The following RANBP3 variants were observed in gnomAD, a reference collection of about 807,000 sequenced individuals.
RANBP3 encodes RAN binding protein 3, also known as ran-binding protein 3.
RANBP3 carries 14 observed loss-of-function variants against 77.3 expected under a neutral mutation model. The observed-to-expected ratio is 0.18, with a 90% CI of 0.12 to 0.28. The LOEUF (loss-of-function observed/expected upper bound fraction) is 0.28, where lower values mean the gene tolerates loss of function less well. RANBP3 is among the 10% of genes least tolerant of loss of function. The probability of loss-of-function intolerance (pLI) is 1.00; values close to 1 mark genes in which losing one functional copy is unlikely to be tolerated. For missense variants in RANBP3, 586 were observed against 752.3 expected (o/e 0.78, Z 2.59); for synonymous variants, 315 against 312.4 (o/e 1.01, Z -0.09).
At chr19:5,963,785 T>G (rs978526055) in intron 1 of RANBP3, among the ~76,000 whole-genome samples, 1 of 152,162 alleles carries the variant, frequency 6.6e-6, no homozygotes, top group Non-Finnish European at 1.5e-5. Flanking sequence ...ATACTTCTTC[T>G]CTGGCCTCAC....
At chr19:5,935,129 C>T (rs1280067460) in intron 5 of RANBP3, among the ~76,000 whole-genome samples, 1 of 152,214 alleles carries the variant, frequency 6.6e-6, no homozygotes, top group Non-Finnish European at 1.5e-5. Flanking sequence ...CCCAAAACAC[C>T]TTGTCAGCCC....
chr19:5,941,438 G>A (rs772490180), intron 5 of RANBP3, among the ~76,000 whole-genome samples, 183 bp downstream of exon 5: 2 of 152,136 alleles, frequency 1.3e-5, no homozygotes, highest in Non-Finnish European at 2.9e-5. Context: ...GATTCGAGAC[G>A]AGGACCCCTG....
chr19:5,967,451 G>C (rs1599797099), intron 1 of RANBP3, among the ~76,000 whole-genome samples: 1 of 152,288 alleles, frequency 6.6e-6, no homozygotes, highest in Middle Eastern at 3.4e-3. Flanking sequence ...ACAGGCATTT[G>C]TTAAAAGGCC....
chr19:5,937,182 ACAGT>A (rs2058078456), intron 5 of RANBP3, among the ~76,000 whole-genome samples: 1 of 151,690 alleles, frequency 6.6e-6, no homozygotes, highest in South Asian at 2.1e-4. Flanking sequence ...TGAGGTACAC[ACAGT>A]CCCAGAGTCT....
intron 5 of RANBP3, among the ~76,000 whole-genome samples, chr19:5,941,326 A>C (rs1000581718): frequency 1.3e-5 from 2 of 151,988 alleles, no homozygotes; most frequent in African/African-American, 4.9e-5. Context: ...CAGAGGCCCC[A>C]ACAGGGCTCT....
rs534823007 is a variant in RANBP3 at position 5,958,875 on chromosome 19, C to T, written c.23-902G>A. On this transcript the variant is annotated intron_variant, in intron 1 of 16. Coordinates refer to ENST00000340578, the MANE Select transcript of RANBP3 (RefSeq NM_007322.3). The surrounding 1 kb of genome is among the most constrained non-coding windows in gnomAD (Gnocchi z 4.4). Reference sequence around the variant, plus strand: ...GGAGGCCAAGCAAGAGCAGCTGTGACTCTGGTGAATGCCTGCTGTGGGCTG... The same window carrying T: ...GGAGGCCAAGCAAGAGCAGCTGTGATTCTGGTGAATGCCTGCTGTGGGCTG... Among the ~76,000 whole-genome samples, 8 of 152,390 alleles carry T rather than the reference C, an allele frequency of 5.2e-5. No individual in the cohort carries two copies. Among genetic ancestry groups the T allele is most frequent in the South Asian group, 2.1e-4 (1 of 4,832 alleles).
intron 1 of RANBP3, among the ~76,000 whole-genome samples, chr19:5,963,517 C>T (rs2058428940): frequency 6.6e-6 from 1 of 152,236 alleles, no homozygotes; most frequent in Admixed American, 6.5e-5. Context: ...TGCCACTGCA[C>T]TCCAGGCTGG....
intron 1 of RANBP3, among the ~76,000 whole-genome samples, chr19:5,963,592 T>A (rs1005957621): frequency 1.3e-5 from 2 of 152,206 alleles, no homozygotes; most frequent in Non-Finnish European, 2.9e-5. Flanking sequence ...GACCAGACGC[T>A]TCTCAAAGTT....
At position 5,958,602 on chromosome 19, in the gene RANBP3, A is replaced by G. The variant is rs528664606; in HGVS notation, c.23-629T>C. On this transcript the variant is annotated intron_variant, in intron 1 of 16. Coordinates refer to ENST00000340578, the MANE Select transcript of RANBP3 (RefSeq NM_007322.3). The surrounding 1 kb of genome is among the most constrained non-coding windows in gnomAD (Gnocchi z 4.4). Reference sequence around the variant, plus strand: ...AAGAGCAAGGCGGCCTGTAATGCCCACGCAACACCATCTGTCTCCTACCCA... The same window carrying G: ...AAGAGCAAGGCGGCCTGTAATGCCCGCGCAACACCATCTGTCTCCTACCCA... 4.5e-4 allele frequency among the ~76,000 whole-genome samples: 69 copies of G among 152,356 alleles called. No homozygotes were observed. The highest frequency in any genetic ancestry group is 1.6e-3 in the African/African-American group (66 of 41,584).
rs763742728 is a variant in RANBP3, at chr19:5,978,119, G to A, written c.-37C>T. 17 of 1,599,454 alleles carry A rather than the reference G, an allele frequency of 1.1e-5. No individual in the cohort carries two copies. The highest frequency in any genetic ancestry group is 5.1e-5 in the Admixed American group (3 of 58,340). On this transcript the variant is annotated 5_prime_UTR_variant, in exon 1 of 17. Coordinates refer to ENST00000340578, the MANE Select transcript of RANBP3 (RefSeq NM_007322.3). ...AAGCCCTCCCACAAGGCCCCGCGCC[G>A]GCCCAGGCTCGCCTGCTTTCTGCCA...
Position 5,970,492 on chromosome 19 carries a change from G to A in RANBP3, c.22+7569C>T, listed in dbSNP as rs557119620. 3.3e-5 allele frequency among the ~76,000 whole-genome samples: 5 copies of A among 152,124 alleles called. No homozygotes were observed. In the South Asian group the frequency reaches 6.2e-4, roughly 19 times the overall value. ...AGTGGGGGCAATTCTGACATTAAGG[G>A]GACACTGGACAGTGTCTGGAGACCT... On this transcript the variant is annotated intron_variant, in intron 1 of 16. Coordinates refer to ENST00000340578, the MANE Select transcript of RANBP3 (RefSeq NM_007322.3).
In RANBP3 at chr19:5,917,638, C is replaced by G. The variant is rs1272944271; in HGVS notation, c.1676G>C (p.Gly559Ala). The G allele has an allele frequency of 6.2e-7, 1 of 1,606,722 alleles. No individual in the cohort carries two copies. Among genetic ancestry groups the G allele is most frequent in the Non-Finnish European group, 8.5e-7 (1 of 1,178,950 alleles). The change falls in exon 17 of 17, where the codon GGG becomes GCG. Residue 559 changes from glycine to alanine, a missense_variant. Physicochemically the swap from Gly to Ala is moderately conservative, Grantham distance 60 (BLOSUM62 0). Coordinates refer to ENST00000340578, the MANE Select transcript of RANBP3 (RefSeq NM_007322.3). ...GATAAGAGDE[G>A]DGQTTGST ...TGTGCTCCCGGTCGTCTGCCCGTCCCCTTCGTCACCAGCACCTGCAGGGAA... is the reference window on the plus strand; with the variant it reads ...TGTGCTCCCGGTCGTCTGCCCGTCCGCTTCGTCACCAGCACCTGCAGGGAA...
rs2058025982 is a variant in RANBP3, at chr19:5,933,653, G to A, written c.407-174C>T. 3 of 548,440 alleles carry A rather than the reference G, an allele frequency of 5.5e-6. No individual in the cohort carries two copies. In the South Asian group the frequency reaches 6.8e-5, roughly 12 times the overall value. 34.0% of individuals were successfully genotyped at this position (548,440 alleles called of 1,614,324 possible). ...CTCGTCCGATCAGCAGGCCTGGAAG[G>A]CGCCTGGAGGAGGGGAGAGACAAGG... is the stretch of plus-strand genomic sequence containing the variant. On this transcript the variant is annotated intron_variant, in intron 5 of 16. Transcript: ENST00000340578.
intron 14 of RANBP3, among the ~76,000 whole-genome samples, chr19:5,920,476 T>G (rs945068126): frequency 2.6e-5 from 4 of 152,276 alleles, no homozygotes; most frequent in African/African-American, 9.6e-5. Context: ...TACTCCAAGC[T>G]AAATGTCCAC....
chr19:5,953,371 A>C (rs2058297823), intron 2 of RANBP3, among the ~76,000 whole-genome samples: 1 of 152,170 alleles, frequency 6.6e-6, no homozygotes, highest in African/African-American at 2.4e-5. Context: ...CTCATCCTAA[A>C]ATACACATGG....
intron 8 of RANBP3, among the ~76,000 whole-genome samples, chr19:5,930,380 G>A (rs187686077): frequency 4.6e-5 from 7 of 152,278 alleles, no homozygotes; most frequent in East Asian, 1.9e-4. Flanking sequence ...GACACAGAGC[G>A]GAAAATAAAC....
intron 2 of RANBP3, among the ~76,000 whole-genome samples, chr19:5,955,422 T>G (rs1333021186): frequency 6.6e-6 from 1 of 152,192 alleles, no homozygotes; most frequent in African/African-American, 2.4e-5. Flanking sequence ...TTTTTAAAAA[T>G]GCCTTCCTGG....
In RANBP3 at chr19:5,917,583, C is replaced by T. The variant is rs2057755833; in HGVS notation, c.*27G>A. On this transcript the variant is annotated 3_prime_UTR_variant, in exon 17 of 17. Coordinates refer to ENST00000340578, the MANE Select transcript of RANBP3 (RefSeq NM_007322.3). ...GGTGGATAGACGGACAAAGCAGCAG[C>T]CTGGTGTGCAGCCGGGCTCCCGGCC... 1.9e-6 allele frequency: 3 copies of T among 1,568,206 alleles called. No individual in the cohort carries two copies. The highest frequency in any genetic ancestry group is 1.7e-6 in the Non-Finnish European group (2 of 1,161,122).
At chr19:5,961,602 C>T (rs952520105) in intron 1 of RANBP3, among the ~76,000 whole-genome samples, 17 of 151,982 alleles carry the variant, frequency 1.1e-4, no homozygotes, top group African/African-American at 3.6e-4. Context: ...GGCGTGGTGG[C>T]GCAACCTGTA....
Sources: allele counts gnomAD v4.1 joint callset (sites outside exome capture counted in the v4.1 genomes callset), GRCh38; gene constraint gnomAD v4.1.1; non-coding constraint Gnocchi (gnomAD v3.1); transcripts MANE v1.5; gene names NCBI Gene and HGNC (gene_info 2026-07-23, HGNC 2026-07-21).